Variants in SRGAP2 observed in about 807,000 individuals in gnomAD.
SRGAP2 encodes SLIT-ROBO Rho GTPase-activating protein 2.
SRGAP2 carries 15 observed loss-of-function variants against 57.2 expected under a neutral mutation model. That is an observed-to-expected ratio of 0.26 (90% CI 0.18 to 0.40). The LOEUF (loss-of-function observed/expected upper bound fraction) is 0.40, where lower values mean the gene tolerates loss of function less well. SRGAP2 is among the 10% of genes least tolerant of loss of function. SRGAP2 has a pLI of 1.00. For missense variants in SRGAP2, 520 were observed against 669.6 expected (o/e 0.78, Z 2.47); for synonymous variants, 249 against 248.0 (o/e 1.00, Z -0.04).
Position 206,462,395 on chromosome 1 carries a change from T to G in SRGAP2, c.*975T>G, listed in dbSNP as rs1553381230. ...AGAGTCTTAAGAGAGTTTTATTGTGTCTATGGCAGGTTTGGGAAAGGTAAG... is the reference window on the plus strand; with the variant it reads ...AGAGTCTTAAGAGAGTTTTATTGTGGCTATGGCAGGTTTGGGAAAGGTAAG... On this transcript the variant is annotated 3_prime_UTR_variant, in exon 23 of 23. Transcript: ENST00000573034. The G allele has an allele frequency of 6.5e-6, 1 of 152,674 alleles. No homozygotes were observed. The highest frequency in any genetic ancestry group is 1.5e-5 in the Non-Finnish European group (1 of 68,046). The allele number at this position is 152,674 out of a possible 1,614,324, so 9.5% of individuals were successfully genotyped here. A position where few individuals can be genotyped will look rare whatever the true frequency, so the allele number is the denominator to read the frequency against.
intron 2 of SRGAP2, among the ~76,000 whole-genome samples, chr1:206,265,801 AC>A (rs1402620937): frequency 3.3e-5 from 5 of 151,344 alleles, no homozygotes; most frequent in Non-Finnish European, 5.9e-5. Context: ...CATAAAGTGA[AC>A]GTGTTTTTTT....
intron 2 of SRGAP2, among the ~76,000 whole-genome samples, chr1:206,290,485 C>CA (rs1303927144): frequency 6.6e-6 from 1 of 151,218 alleles, no homozygotes; most frequent in African/African-American, 2.4e-5. Context: ...TGTCTCTATA[C>CA]AAAAAAATTG....
chr1:206,353,820 G>A (rs1456395296), intron 4 of SRGAP2, among the ~76,000 whole-genome samples: 9 of 113,032 alleles, frequency 8.0e-5, no homozygotes, highest in African/African-American at 3.3e-4. Flanking sequence ...TTTTTTTTGA[G>A]ATGGAGACTC....
At chr1:206,460,846 G>A (rs1178191781) in intron 22 of SRGAP2, among the ~76,000 whole-genome samples, 191 bp from the exon 23 acceptor site, 1 of 151,750 alleles carries the variant, frequency 6.6e-6, no homozygotes, top group Non-Finnish European at 1.5e-5. Flanking sequence ...AAAATCTCAT[G>A]ACAGTGAAAA....
chr1:206,446,024 G>A lies in SRGAP2; in HGVS notation c.1875-51G>A, dbSNP rs140873474. On this transcript the variant is annotated intron_variant, in intron 17 of 22. Coordinates refer to ENST00000573034, the MANE Select transcript of SRGAP2 (RefSeq NM_015326.5). ...AGCGCCTCCTGTGATTGTGTTTTCTGGGCATTCATGCGAGAGCTTTCCAGC... is the reference window on the plus strand; with the variant it reads ...AGCGCCTCCTGTGATTGTGTTTTCTAGGCATTCATGCGAGAGCTTTCCAGC... 5.6e-5 allele frequency: 43 copies of A among 769,050 alleles called. No homozygotes were observed. The African/African-American group carries it at 6.3e-4, about 11-fold the overall frequency. 47.6% of individuals were successfully genotyped at this position (769,050 alleles called of 1,614,324 possible).
Position 206,446,280 on chromosome 1 carries a change from G to A in SRGAP2, c.2080G>A (p.Gly694Arg), listed in dbSNP as rs1416306471. The stretch of plus-strand genomic sequence containing the variant: ...GGAGGGCCCTGTCTACAGCAGAGGA[G>A]GAAGCATGGAGGATTACTGGTAGGG... ...ELEGPVYSRGGSMEDYCDSPH... is the reference protein window; with the variant it reads ...ELEGPVYSRGRSMEDYCDSPH... Residue 694 changes from glycine to arginine, a missense_variant, in exon 18 of 23, where the codon GGA becomes AGA. Transcript: ENST00000573034. 1 of 780,762 alleles carries A rather than the reference G, an allele frequency of 1.3e-6. No individual in the cohort carries two copies. Among genetic ancestry groups the A allele is most frequent in the African/African-American group, 1.7e-5 (1 of 59,144 alleles). 48.4% of individuals were successfully genotyped at this position (780,762 alleles called of 1,614,324 possible).
intron 3 of SRGAP2, among the ~76,000 whole-genome samples, chr1:206,341,708 G>A (rs1293335561): frequency 1.3e-5 from 2 of 152,244 alleles, no homozygotes; most frequent in South Asian, 2.1e-4. Flanking sequence ...TTAGAAATGA[G>A]CATCTAGGGC....
At chr1:206,309,041 G>A (rs1480456306) in intron 3 of SRGAP2, among the ~76,000 whole-genome samples, 1 of 141,184 alleles carries the variant, frequency 7.1e-6, no homozygotes, top group Non-Finnish European at 1.5e-5. Flanking sequence ...GCATGGTGAT[G>A]CACGCCTGTA....
At chr1:206,314,343 A>T (rs1553325320) in intron 3 of SRGAP2, among the ~76,000 whole-genome samples, 1 of 152,164 alleles carries the variant, frequency 6.6e-6, no homozygotes, top group African/African-American at 2.4e-5. Flanking sequence ...CATGTTGGTC[A>T]GGTTGGTCTT....
At chr1:206,419,945 C>T (rs1660148911) in intron 12 of SRGAP2, among the ~76,000 whole-genome samples, 1 of 152,022 alleles carries the variant, frequency 6.6e-6, no homozygotes. Context: ...CAAGTATGCA[C>T]CCCTCCCAAT....
chr1:206,445,737 T>A (rs1662698415), intron 17 of SRGAP2, among the ~76,000 whole-genome samples: 1 of 152,018 alleles, frequency 6.6e-6, no homozygotes, highest in South Asian at 2.1e-4. Flanking sequence ...CTCTGCAGAG[T>A]GACATGTTCT....
chr1:206,272,945 T>G (rs1390891277), intron 2 of SRGAP2, among the ~76,000 whole-genome samples: 1 of 152,134 alleles, frequency 6.6e-6, no homozygotes, highest in Non-Finnish European at 1.5e-5. Flanking sequence ...AAATAACATT[T>G]CCTGCTTTTT....
intron 2 of SRGAP2, chr1:206,214,525 G>T (rs1221772609): frequency 2.7e-5 from 4 of 148,980 alleles, no homozygotes; most frequent in South Asian, 2.1e-4. Flanking sequence ...GCGCAGTCCC[G>T]TATCTTCACC....
At chr1:206,324,340 A>T (rs1170788826) in intron 3 of SRGAP2, among the ~76,000 whole-genome samples, 3 of 152,090 alleles carry the variant, frequency 2.0e-5, no homozygotes, top group African/African-American at 7.2e-5. Flanking sequence ...AGGTTTAACC[A>T]TCAGGATGGG....
chr1:206,207,720 C>T (rs1349082141), intron 2 of SRGAP2: 1 of 134,342 alleles, frequency 7.4e-6, no homozygotes, highest in African/African-American at 2.9e-5. Context: ...CAGAAGCACG[C>T]CATTTGACTA....
In SRGAP2 at chr1:206,249,529, T is replaced by C. The variant is rs567415265; in HGVS notation, c.67+43492T>C. On this transcript the variant is annotated intron_variant, in intron 2 of 22. Transcript: ENST00000573034. Reference sequence around the variant, plus strand: ...AACACCACATGTTCTCACTCATAAGTGGGAGTTGAACAATGAGAACATACG... The same window carrying C: ...AACACCACATGTTCTCACTCATAAGCGGGAGTTGAACAATGAGAACATACG... 1.4e-3 allele frequency among the ~76,000 whole-genome samples: 215 copies of C among 150,892 alleles called. 1 individual carries two copies. Among genetic ancestry groups the C allele is most frequent in the African/African-American group, 5.2e-3 (212 of 41,046 alleles).
intron 14 of SRGAP2, among the ~76,000 whole-genome samples, chr1:206,433,609 C>G (rs1661461197): frequency 6.6e-6 from 1 of 150,618 alleles, no homozygotes; most frequent in Non-Finnish European, 1.5e-5. Context: ...GCACTCCAGC[C>G]TGAGTGATAG....
rs564121757 is a variant in SRGAP2, at chr1:206,429,453, G to A, written c.1495-709G>A. Among the ~76,000 whole-genome samples, 9 of 152,330 alleles carry A rather than the reference G, an allele frequency of 5.9e-5. No homozygotes were observed. In the East Asian group the frequency reaches 1.5e-3, roughly 26 times the overall value. On this transcript the variant is annotated intron_variant, in intron 13 of 22. Coordinates refer to ENST00000573034, the MANE Select transcript of SRGAP2 (RefSeq NM_015326.5). ...GCTCTTGTGAAGTTTGAGCTGTAGT[G>A]GTGACAAGTGCCAACAAATATTCAC... is the stretch of plus-strand genomic sequence containing the variant.
chr1:206,247,065 C>T (rs576686017), intron 2 of SRGAP2, among the ~76,000 whole-genome samples: 1 of 138,104 alleles, frequency 7.2e-6, no homozygotes, highest in Non-Finnish European at 1.6e-5. Flanking sequence ...TGTTTTGCTG[C>T]TTCTGTGAGC....
Sources: gnomAD v4.1 joint callset for allele counts (sites outside exome capture counted in the v4.1 genomes callset) on GRCh38, gnomAD v4.1.1 for gene constraint, MANE v1.5 for transcripts, NCBI Gene and HGNC (gene_info 2026-07-23, HGNC 2026-07-21) for gene names.